The following TMEM41A variants were observed in gnomAD, a reference collection of about 807,000 sequenced individuals.
TMEM41A encodes the protein transmembrane protein 41A.
In TMEM41A, 20 loss-of-function variants were observed where a neutral mutation model predicts 25.7. That is an observed-to-expected ratio of 0.78 (90% CI 0.55 to 1.13). The LOEUF is 1.13. TMEM41A is among the 50% of genes most tolerant of loss of function. The pLI is 0.00. For synonymous variants in TMEM41A, 133 were observed against 139.6 expected (o/e 0.95, Z 0.33); for missense variants, 299 against 314.3 (o/e 0.95, Z 0.37).
In TMEM41A at chr3:185,497,589, T is replaced by C. The variant is rs748636063; in HGVS notation, c.120-608A>G. ...TCGAACCCTTTCAAAGAGCCTACTA[T>C]TTAACTCTGCTCTTAATCTGGTCCT... On this transcript the variant is annotated intron_variant, in intron 1 of 4. Transcript: ENST00000421852. Among the ~76,000 whole-genome samples, 147 of 152,382 alleles carry C rather than the reference T, an allele frequency of 9.6e-4. No homozygotes were observed. In the Middle Eastern group the frequency reaches 0.014, roughly 14 times the overall value.
intron 1 of TMEM41A, among the ~76,000 whole-genome samples, chr3:185,497,989 G>C (rs561246564): frequency 3.5e-3 from 534 of 152,204 alleles, no homozygotes; most frequent in African/African-American, 0.012. Context: ...AGGCGCGATG[G>C]CTCACGCCTG....
chr3:185,495,594 C>G (rs2148939446), intron 2 of TMEM41A: 1 of 413,678 alleles, frequency 2.4e-6, no homozygotes, highest in African/African-American at 2.0e-5. Flanking sequence ...GCACACACCA[C>G]CACATTCACC....
chr3:185,497,346 T>C (rs1003773329), intron 1 of TMEM41A, among the ~76,000 whole-genome samples: 1 of 152,200 alleles, frequency 6.6e-6, no homozygotes. Flanking sequence ...GGCAAATGGA[T>C]TCATTTCCAG....
intron 4 of TMEM41A, 166 bp downstream of exon 4, chr3:185,494,457 A>G: frequency 1.2e-6 from 1 of 802,834 alleles, no homozygotes; most frequent in Non-Finnish European, 1.9e-6. Context: ...TTGAAGCCTG[A>G]GCAGATCTGA....
At chr3:185,496,506 C>CCA in intron 2 of TMEM41A, 1 of 378,276 alleles carries the variant, frequency 2.6e-6, no homozygotes, top group Non-Finnish European at 5.1e-6. Flanking sequence ...ACCCCGAGCC[C>CCA]CACACACCTC....
intron 4 of TMEM41A, chr3:185,492,477 G>A (rs908303158): frequency 6.6e-6 from 1 of 150,930 alleles, no homozygotes; most frequent in African/African-American, 2.4e-5. Flanking sequence ...AGAGAGAAGT[G>A]CCATTGTTGA....
At chr3:185,493,180 A>G (rs1170761185) in intron 4 of TMEM41A, 1 of 152,174 alleles carries the variant, frequency 6.6e-6, no homozygotes, top group Non-Finnish European at 1.5e-5. Flanking sequence ...CTGATTTTAT[A>G]GGATGTTAGC....
At chr3:185,498,716 G>C (rs531866289) in intron 1 of TMEM41A, 127 bp downstream of exon 1, 1 of 716,020 alleles carries the variant, frequency 1.4e-6, no homozygotes, top group African/African-American at 1.8e-5. Context: ...ATTCCAGTCC[G>C]ATAAGTGAAC....
At chr3:185,496,646 TGTCA>T (rs1206203605) in intron 2 of TMEM41A, 178 bp downstream of exon 2, 1 of 712,286 alleles carries the variant, frequency 1.4e-6, no homozygotes, top group East Asian at 2.7e-5. Flanking sequence ...AAAAGGAAGC[TGTCA>T]GTGTCTCCCA....
intron 1 of TMEM41A, among the ~76,000 whole-genome samples, chr3:185,497,442 C>T (rs1051393273): frequency 2.6e-5 from 4 of 152,204 alleles, no homozygotes; most frequent in African/African-American, 9.7e-5. Flanking sequence ...TCAAACTGTT[C>T]CTGAGGTGCC....
chr3:185,494,865 C>G, intron 3 of TMEM41A, 104 bp from the exon 4 acceptor site: 1 of 1,338,232 alleles, frequency 7.5e-7, no homozygotes, highest in East Asian at 2.3e-5. Context: ...ATAATCTGTT[C>G]CCAATTCTTC....
At chr3:185,496,561 A>G (rs1719106142) in intron 2 of TMEM41A, 1 of 505,328 alleles carries the variant, frequency 2.0e-6, no homozygotes. Flanking sequence ...AGTTTCCGAC[A>G]AGGAAACTGT....
intron 4 of TMEM41A, 70 bp from the exon 5 acceptor site, chr3:185,491,827 G>A: frequency 1.6e-6 from 2 of 1,218,488 alleles, no homozygotes; most frequent in East Asian, 2.4e-5. Context: ...AATTCAGAAT[G>A]TCACCAGGAA....
chr3:185,491,955 T>C (rs1207358866), intron 4 of TMEM41A, among the ~76,000 whole-genome samples, 198 bp from the exon 5 acceptor site: 3 of 152,186 alleles, frequency 2.0e-5, no homozygotes, highest in East Asian at 3.8e-4. Context: ...TATGCCTGTC[T>C]TGTTCAACAA....
At chr3:185,498,210 A>G (rs1463292870) in intron 1 of TMEM41A, among the ~76,000 whole-genome samples, 1 of 148,982 alleles carries the variant, frequency 6.7e-6, no homozygotes, top group Non-Finnish European at 1.5e-5. Context: ...GGTTAAAGTG[A>G]GCCGAGATCG....
rs1478916903 is a variant in TMEM41A, at chr3:185,494,653, T to C, written c.544A>G (p.Ile182Val). 4 of 1,610,714 alleles carry C rather than the reference T, an allele frequency of 2.5e-6. No homozygotes were observed. The highest frequency in any genetic ancestry group is 2.2e-5 in the East Asian group (1 of 44,768). ...AGAACTGAGAAGAAGAACTGCACGA[T>C]GGGAATGTTCAGAATTGGGGCCGAG... The part of the protein sequence containing the change: ...NLSAPILNIP[I>V]VQFFFSVLIG... Residue 182 changes from isoleucine (I) to valine (V), a missense_variant, in exon 4 of 5, where the codon ATC (isoleucine) becomes GTC (valine). Ile to Val is a conservative substitution (Grantham distance 29). Coordinates refer to ENST00000421852, the MANE Select transcript of TMEM41A (RefSeq NM_080652.4).
intron 2 of TMEM41A, chr3:185,495,783 G>C (rs1416370955): frequency 6.3e-6 from 1 of 159,740 alleles, no homozygotes; most frequent in Non-Finnish European, 1.4e-5. Context: ...TTATGAAAAG[G>C]CTGGGAACTA....
rs780605042 is a variant in TMEM41A, at chr3:185,496,968, G to A, written c.133C>T (p.Pro45Ser). Residue 45 changes from proline to serine, a missense_variant, in exon 2 of 5, where the codon CCC (proline) becomes TCC (serine). Pro to Ser is a moderately conservative substitution (Grantham distance 74, BLOSUM62 -1). Transcript: ENST00000421852. ...TCCCGCAGCTCTGCCAGGTCGGAGG[G>A]GAACCACAGCGACCTGGGGATTTGG... ...EEAGGRSLWF[P>S]SDLAELRELS... The A allele has an allele frequency of 6.3e-7, 1 of 1,596,574 alleles. No individual in the cohort carries two copies. Among genetic ancestry groups the A allele is most frequent in the Admixed American group, 1.8e-5 (1 of 56,658 alleles).
intron 4 of TMEM41A, 55 bp downstream of exon 4, chr3:185,494,568 C>T: frequency 6.7e-7 from 1 of 1,497,648 alleles, no homozygotes; most frequent in African/African-American, 1.4e-5. Flanking sequence ...TAACCCAGGG[C>T]AGACCCCCAG....
Sources: allele counts gnomAD v4.1 joint callset (sites outside exome capture counted in the v4.1 genomes callset), GRCh38; gene constraint gnomAD v4.1.1; transcripts MANE v1.5; gene names NCBI Gene and HGNC (gene_info 2026-07-23, HGNC 2026-07-21).